Variants in DIDO1 observed in about 807,000 individuals in gnomAD.
DIDO1 encodes death inducer-obliterator 1.
In DIDO1, 16 loss-of-function variants were observed where a neutral mutation model predicts 99.4. That is an observed-to-expected ratio of 0.16 (90% confidence interval 0.11 to 0.24). The LOEUF (loss-of-function observed/expected upper bound fraction) is 0.24. Ranked by LOEUF, DIDO1 falls within the 10% of genes least tolerant of loss-of-function variation. The pLI is 1.00. For synonymous variants in DIDO1, 1,366 were observed against 1,239.1 expected, an observed-to-expected ratio of 1.10 and a Z score of -2.15; for missense variants, 2,996 against 3,014.0, an observed-to-expected ratio of 0.99 and a Z score of 0.14.
At chr20:62,912,074 G>C (rs549165027) in intron 2 of DIDO1, among the ~76,000 whole-genome samples, 170 of 152,314 alleles carry the variant, frequency 1.1e-3, no homozygotes, top group African/African-American at 3.8e-3. Context: ...TGCCAGTTTG[G>C]GTGTGGCCTG....
chr20:62,881,051 C>T lies in DIDO1; in HGVS notation c.4905G>A (p.Lys1635=). The T allele has an allele frequency of 3.7e-6, 6 of 1,605,858 alleles. No homozygotes were observed. The highest frequency in any genetic ancestry group is 1.3e-5 in the African/African-American group (1 of 75,024). ...GGCGGGTGCCCTCCCCAGGCTCTGC[C>T]TTCCAGCCGTCCTGCTCGGACCCCG... ...PPAGSEQDGW[K]AEPGEGTRPA... is the part of the protein sequence containing the mutation. The change falls in exon 16 of 16, where the codon AAG becomes AAA. Residue 1635 remains lysine, a synonymous_variant. Transcript: ENST00000395343. This position sits in a 1 kb window ranked among gnomAD's most constrained non-coding sequence, Gnocchi z 8.3.
Position 62,892,784 on chromosome 20 carries a change from G to A in DIDO1, c.3255+25C>T, listed in dbSNP as rs191539283. On this transcript the variant is annotated intron_variant, in intron 13 of 15. Coordinates refer to ENST00000395343, the MANE Select transcript of DIDO1 (RefSeq NM_001193369.2). ...AAACTCCTATGAAAGACACACACAC[G>A]CACACACATTTTCTTGGTTCTAACC... 8.1e-5 allele frequency: 130 copies of A among 1,597,816 alleles called. No homozygotes were observed. In the African/African-American group the frequency reaches 1.2e-3, roughly 15 times the overall value.
chr20:62,926,987 C>A (rs1192968129), upstream of DIDO1, among the ~76,000 whole-genome samples: 3 of 152,192 alleles, frequency 2.0e-5, no homozygotes, highest in Non-Finnish European at 4.4e-5. Flanking sequence ...AGGCCCCTGA[C>A]GGCCTCGGCT....
At chr20:62,924,981 C>G (rs1165312723) in intron 1 of DIDO1, among the ~76,000 whole-genome samples, 1 of 152,216 alleles carries the variant, frequency 6.6e-6, no homozygotes, top group Admixed American at 6.5e-5. Context: ...CCCATGTACA[C>G]AGCAAGTAGG....
In DIDO1 at chr20:62,896,983, G is replaced by C. The variant is rs1285169144; in HGVS notation, c.1602C>G (p.Asp534Glu). 1.2e-6 allele frequency: 2 copies of C among 1,611,820 alleles called. No homozygotes were observed. The highest frequency in any genetic ancestry group is 1.7e-6 in the Non-Finnish European group (2 of 1,178,990). The change falls in exon 7 of 16, where the codon GAC (aspartate) becomes GAG (glutamate). Residue 534 changes from aspartate to glutamate, a missense_variant. Around this residue, in one of 5 missense-constraint regions of DIDO1, gnomAD observed 898 missense variants for 972.7 expected, o/e 0.92. Transcript: ENST00000395343. This position sits in a 1 kb window ranked among gnomAD's most constrained non-coding sequence, Gnocchi z 4.4. ...PSLLYKSTKE[D>E]RRSEEKAAAM... ...CTGCCGCTTTCTCCTCGGACCTCCT[G>C]TCTTCCTTCGTGGCTACAAAGAAGA...
intron 1 of DIDO1, among the ~76,000 whole-genome samples, chr20:62,921,428 CT>C (rs2065134049): frequency 6.6e-6 from 1 of 152,172 alleles, no homozygotes; most frequent in Non-Finnish European, 1.5e-5. Context: ...AGTCAGGATC[CT>C]AGTGGCAGTG....
At position 62,894,832 on chromosome 20, in the gene DIDO1, G is replaced by A. The variant is rs748740045; in HGVS notation, c.2414C>T (p.Ser805Phe). 1.2e-6 allele frequency: 2 copies of A among 1,614,082 alleles called. No homozygotes were observed. Among genetic ancestry groups the A allele is most frequent in the East Asian group, 2.2e-5 (1 of 44,888 alleles). ...RQEAIPDLED[S>F]PPVSDSEEQQ... ...TACCTCTGAATCCGACACTGGCGGA[G>A]AGTCCTCCAGATCGGGGATGGCCTC... The change falls in exon 10 of 16, where the codon TCT becomes TTT. Residue 805 changes from serine to phenylalanine, a missense_variant. Around this residue, in one of 5 missense-constraint regions of DIDO1, gnomAD observed 898 missense variants for 972.7 expected, o/e 0.92. Coordinates refer to ENST00000395343, the MANE Select transcript of DIDO1 (RefSeq NM_001193369.2). The surrounding 1 kb of genome is among the most constrained non-coding windows in gnomAD (Gnocchi z 4.4).
rs1226916197 is a variant in DIDO1 at position 62,896,094 on chromosome 20, C to T, written c.2214+139G>A. 9.6e-6 allele frequency: 9 copies of T among 942,076 alleles called. No individual in the cohort carries two copies. Among genetic ancestry groups the T allele is most frequent in the South Asian group, 3.5e-5 (2 of 56,772 alleles). 58.4% of individuals were successfully genotyped at this position (942,076 alleles called of 1,614,324 possible). A position where few individuals can be genotyped will look rare whatever the true frequency, so the allele number is the denominator to read the frequency against. On this transcript the variant is annotated intron_variant, in intron 8 of 15. Coordinates refer to ENST00000395343, the MANE Select transcript of DIDO1 (RefSeq NM_001193369.2). The surrounding 1 kb of genome is among the most constrained non-coding windows in gnomAD (Gnocchi z 4.4). ...CAACGCCAGTGCAACAATACGTGGG[C>T]GGCAGAAGGATCACAGAGGAGAAAG...
chr20:62,906,026 C>G lies in DIDO1; in HGVS notation c.1449G>C (p.Val483=), dbSNP rs1461111451. The G allele has an allele frequency of 6.2e-7, 1 of 1,613,890 alleles. No individual in the cohort carries two copies. Residue 483 remains valine (V), a synonymous_variant, in exon 6 of 16, where the codon GTG becomes GTC. Transcript: ENST00000395343. ...EKKETTVKKA[V]VVPARSEALG... ...GTGCTTCACTCCGCGCAGGGACCAC[C>G]ACTGCCTTCTTCACTGTGGTCTCTT...
chr20:62,906,836 C>T (rs2064817381), intron 5 of DIDO1, among the ~76,000 whole-genome samples: 1 of 152,222 alleles, frequency 6.6e-6, no homozygotes, highest in African/African-American at 2.4e-5. Flanking sequence ...TGCAAGTCTA[C>T]GCTCTACAAA....
At position 62,879,716 on chromosome 20, in the gene DIDO1, G is replaced by A. The variant is rs775290711; in HGVS notation, c.6240C>T (p.Asn2080=). The A allele has an allele frequency of 5.0e-6, 8 of 1,611,584 alleles. No individual in the cohort carries two copies. Among genetic ancestry groups the A allele is most frequent in the Non-Finnish European group, 6.8e-6 (8 of 1,179,806 alleles). The change falls in exon 16 of 16, where the codon AAC becomes AAT. Residue 2080 remains asparagine (N), a synonymous_variant. Transcript: ENST00000395343. The surrounding 1 kb of genome is among the most constrained non-coding windows in gnomAD (Gnocchi z 6.3). ...FREGKGHEYR[N]QTFEGRQRER... is the part of the protein sequence containing the mutation. ...CTCTCTGCCTCCCTTCGAAAGTCTG[G>A]TTTCTGTATTCGTGGCCTTTCCCCT...
rs994130814 is a variant in DIDO1, at chr20:62,910,024, A to G, written c.840-4T>C. On this transcript the variant is annotated splice_region_variant and splice_polypyrimidine_tract_variant and intron_variant, in intron 3 of 15. Coordinates refer to ENST00000395343, the MANE Select transcript of DIDO1 (RefSeq NM_001193369.2). ...GCGGTCACAGCAAATCATAAACCTGAAATTATAAAATAACGGTATTAGCAA... is the reference window on the plus strand; with the variant it reads ...GCGGTCACAGCAAATCATAAACCTGGAATTATAAAATAACGGTATTAGCAA... 1 of 1,600,456 alleles carries G rather than the reference A, an allele frequency of 6.2e-7. No homozygotes were observed. Among genetic ancestry groups the G allele is most frequent in the Non-Finnish European group, 8.5e-7 (1 of 1,175,278 alleles).
intron 1 of DIDO1, among the ~76,000 whole-genome samples, chr20:62,925,575 G>C (rs749999994): frequency 2.0e-5 from 3 of 152,204 alleles, no homozygotes; most frequent in Non-Finnish European, 4.4e-5. Context: ...AACTGGTAAC[G>C]CAGTAAGCTA....
At chr20:62,891,362 C>T (rs1022812919) in intron 14 of DIDO1, among the ~76,000 whole-genome samples, 2 of 152,198 alleles carry the variant, frequency 1.3e-5, no homozygotes, top group Non-Finnish European at 2.9e-5. Context: ...CCTACATGCA[C>T]GACGGCCCCG....
intron 6 of DIDO1, among the ~76,000 whole-genome samples, chr20:62,900,549 G>A (rs2064646911): frequency 6.6e-6 from 1 of 152,230 alleles, no homozygotes; most frequent in Non-Finnish European, 1.5e-5. Context: ...GTTTTAGCAG[G>A]ACAGGGATTA....
chr20:62,904,770 A>C (rs1166120591), intron 6 of DIDO1, among the ~76,000 whole-genome samples: 3 of 121,728 alleles, frequency 2.5e-5, no homozygotes, highest in African/African-American at 3.6e-5. Flanking sequence ...ACAGAGCAAG[A>C]CTCTTGTCTC....
At chr20:62,922,131 T>TAC (rs2065160632) in intron 1 of DIDO1, among the ~76,000 whole-genome samples, 1 of 146,698 alleles carries the variant, frequency 6.8e-6, no homozygotes, top group Admixed American at 6.7e-5. Flanking sequence ...CACACATATA[T>TAC]ACATATATAC....
Position 62,881,398 on chromosome 20 carries a change from A to G in DIDO1, c.4558T>C (p.Leu1520=). The G allele has an allele frequency of 6.2e-7, 1 of 1,607,058 alleles. No individual in the cohort carries two copies. The highest frequency in any genetic ancestry group is 8.5e-7 in the Non-Finnish European group (1 of 1,179,878). ...GACGACTTTGGTGGTGGAGACATCA[A>G]GGCGTCCGACACCGAGAAGTGGGCC... The part of the protein sequence containing the change: ...SMAHFSVSDA[L]MSPPPKSSLP... Residue 1520 remains leucine, a synonymous_variant, in exon 16 of 16, where the codon TTG becomes CTG. Coordinates refer to ENST00000395343, the MANE Select transcript of DIDO1 (RefSeq NM_001193369.2). This position sits in a 1 kb window ranked among gnomAD's most constrained non-coding sequence, Gnocchi z 8.3.
rs927460294 is a variant in DIDO1, at chr20:62,882,143, C to T, written c.3813G>A (p.Pro1271=). The T allele has an allele frequency of 6.2e-7, 1 of 1,613,052 alleles. No individual in the cohort carries two copies. Among genetic ancestry groups the T allele is most frequent in the East Asian group, 2.2e-5 (1 of 44,878 alleles). Residue 1271 remains proline, a synonymous_variant, in exon 16 of 16, where the codon CCG becomes CCA. Transcript: ENST00000395343. ...TGAGGGATGACAGCACTTTTAGCAC[C>T]GGTGGTTCTGGAAGAGGGGGCGGAG... ...PPPPPPLPEP[P]VLKVLSSLKP...
Sources: gnomAD v4.1 joint callset for allele counts (sites outside exome capture counted in the v4.1 genomes callset) on GRCh38, gnomAD v4.1.1 for gene constraint, gnomAD v4.1.1 regional missense constraint, Gnocchi (gnomAD v3.1) non-coding constraint, MANE v1.5 for transcripts, NCBI Gene and HGNC (gene_info 2026-07-23, HGNC 2026-07-21) for gene names.